SIRT1: variants seen among roughly 807,000 people sequenced by gnomAD.
The protein encoded by SIRT1 is NAD-dependent protein deacetylase sirtuin-1.
SIRT1 carries 24 observed loss-of-function variants against 67.9 expected under a neutral mutation model. The ratio of observed to expected loss-of-function variants is 0.35; its 90% CI spans 0.26 to 0.50. The LOEUF (loss-of-function observed/expected upper bound fraction) is 0.50. Ranked by LOEUF, SIRT1 falls within the 20% of genes least tolerant of loss-of-function variation. The pLI is 0.98. For synonymous variants in SIRT1, 378 were observed against 350.7 expected (o/e 1.08, Z -0.87); for missense variants, 873 against 937.2 (o/e 0.93, Z 0.89).
At chr10:67,908,236 G>A in intron 6 of SIRT1, 111 bp downstream of exon 6, 6 of 835,840 alleles carry the variant, frequency 7.2e-6, no homozygotes, top group South Asian at 2.1e-5. Context: ...GAAAGATTCA[G>A]GAAGAAAATA....
At chr10:67,903,672 C>T (rs1383689012) in intron 4 of SIRT1, among the ~76,000 whole-genome samples, 2 of 152,214 alleles carry the variant, frequency 1.3e-5, no homozygotes, top group East Asian at 3.8e-4. Flanking sequence ...CAGGCATGAG[C>T]CACCACATCC....
At chr10:67,903,650 GT>G (rs1393972166) in intron 4 of SIRT1, among the ~76,000 whole-genome samples, 1 of 152,174 alleles carries the variant, frequency 6.6e-6, no homozygotes, top group Non-Finnish European at 1.5e-5. Context: ...GCCACCCAAA[GT>G]GCTGGGATTA....
At chr10:67,901,458 T>C (rs1842743789) in intron 4 of SIRT1, among the ~76,000 whole-genome samples, 1 of 152,190 alleles carries the variant, frequency 6.6e-6, no homozygotes. Context: ...TCGGGGTATA[T>C]GTTCACAGCT....
chr10:67,902,922 C>G (rs1450005884), intron 4 of SIRT1, among the ~76,000 whole-genome samples: 1 of 152,142 alleles, frequency 6.6e-6, no homozygotes, highest in African/African-American at 2.4e-5. Context: ...TGGTGAAACC[C>G]TGTCTCTACT....
chr10:67,887,472 T>C lies in SIRT1; in HGVS notation c.486T>C (p.Ser162=). 6.2e-7 allele frequency: 1 copy of C among 1,613,962 alleles called. No individual in the cohort carries two copies. The highest frequency in any genetic ancestry group is 8.5e-7 in the Non-Finnish European group (1 of 1,179,896). ...CTAATGGTTTTCATTCCTGTGAAAG[T>C]GATGAGGAGGATAGAGCCTCACATG... is the stretch of plus-strand genomic sequence containing the variant. The part of the protein sequence containing the change: ...IITNGFHSCE[S]DEEDRASHAS... Residue 162 remains serine (S), a synonymous_variant, in exon 2 of 9, where the codon AGT becomes AGC. Coordinates refer to ENST00000212015, the MANE Select transcript of SIRT1 (RefSeq NM_012238.5).
intron 4 of SIRT1, chr10:67,906,207 C>A: frequency 6.8e-7 from 1 of 1,469,676 alleles, no homozygotes; most frequent in Non-Finnish European, 9.0e-7. Flanking sequence ...AACACACACA[C>A]AAAATCCAGC....
chr10:67,894,102 C>T (rs1364135626), intron 4 of SIRT1, among the ~76,000 whole-genome samples: 1 of 152,170 alleles, frequency 6.6e-6, no homozygotes, highest in African/African-American at 2.4e-5. Context: ...CAGTGAGACC[C>T]TAATCACTAC....
chr10:67,891,621 G>A lies in SIRT1; in HGVS notation c.942+67G>A, dbSNP rs1224052496. ...TGAAAAAGTATTTTGTTCACATACA[G>A]CCACCTTAAGGTTATCGTTCATTGT... On this transcript the variant is annotated intron_variant, in intron 4 of 8. Transcript: ENST00000212015. 8.7e-6 allele frequency: 13 copies of A among 1,502,138 alleles called. No homozygotes were observed. In the East Asian group the frequency reaches 2.3e-4, roughly 26 times the overall value. 93.1% of individuals were successfully genotyped at this position (1,502,138 alleles called of 1,614,324 possible).
At chr10:67,891,651 T>C in intron 4 of SIRT1, 97 bp downstream of exon 4, 1 of 1,212,852 alleles carries the variant, frequency 8.2e-7, no homozygotes, top group East Asian at 2.4e-5. Flanking sequence ...CATTGTTTAG[T>C]AAAGTGAATG....
At chr10:67,887,220 G>A (rs917885298) in intron 1 of SIRT1, among the ~76,000 whole-genome samples, 197 bp from the exon 2 acceptor site, 1 of 152,154 alleles carries the variant, frequency 6.6e-6, no homozygotes, top group African/African-American at 2.4e-5. Flanking sequence ...GATTTTGGCT[G>A]AAACTGAGTG....
chr10:67,891,309 C>T (rs1457372063), intron 3 of SIRT1, 93 bp from the exon 4 acceptor site: 5 of 1,143,420 alleles, frequency 4.4e-6, no homozygotes, highest in Non-Finnish European at 6.2e-6. Context: ...AATTTTCTTT[C>T]TCAACTCTTA....
At chr10:67,905,282 G>T (rs569629546) in intron 4 of SIRT1, among the ~76,000 whole-genome samples, 8 of 152,266 alleles carry the variant, frequency 5.3e-5, no homozygotes, top group African/African-American at 1.9e-4. Context: ...AACAGTGGTT[G>T]ATTTAACTGA....
intron 4 of SIRT1, among the ~76,000 whole-genome samples, chr10:67,901,940 A>T (rs1842751063): frequency 6.6e-6 from 1 of 152,204 alleles, no homozygotes; most frequent in Non-Finnish European, 1.5e-5. Flanking sequence ...GGTGGTGAGA[A>T]CATTTAAAAT....
intron 4 of SIRT1, 96 bp downstream of exon 4, chr10:67,891,650 G>A (rs1842575514): frequency 3.2e-6 from 4 of 1,246,578 alleles, no homozygotes; most frequent in African/African-American, 3.0e-5. Flanking sequence ...TCATTGTTTA[G>A]TAAAGTGAAT....
intron 4 of SIRT1, among the ~76,000 whole-genome samples, chr10:67,905,129 G>A (rs2131877508): frequency 6.6e-6 from 1 of 152,124 alleles, no homozygotes; most frequent in South Asian, 2.1e-4. Context: ...TACTATTATA[G>A]GTCCTATTTT....
At chr10:67,897,831 A>G (rs1428211068) in intron 4 of SIRT1, among the ~76,000 whole-genome samples, 2 of 151,990 alleles carry the variant, frequency 1.3e-5, no homozygotes, top group Admixed American at 6.6e-5. Context: ...AATGACTTAA[A>G]TTGATAATAA....
At chr10:67,912,179 C>A (rs1007473889) in intron 7 of SIRT1, among the ~76,000 whole-genome samples, 2 of 152,168 alleles carry the variant, frequency 1.3e-5, no homozygotes, top group African/African-American at 4.8e-5. Flanking sequence ...GTACTATTAT[C>A]ATCCCCATTC....
At chr10:67,914,243 T>C (rs1340810672) in intron 8 of SIRT1, among the ~76,000 whole-genome samples, 2 of 152,012 alleles carry the variant, frequency 1.3e-5, no homozygotes, top group Non-Finnish European at 2.9e-5. Flanking sequence ...GGCTGATTCT[T>C]GTATTTTTAG....
At chr10:67,887,106 A>G (rs1254270244) in intron 1 of SIRT1, among the ~76,000 whole-genome samples, 17 of 149,998 alleles carry the variant, frequency 1.1e-4, no homozygotes. Flanking sequence ...TCTCAACCTC[A>G]GGTGATCCGC....
Sources: allele counts gnomAD v4.1 joint callset (sites outside exome capture counted in the v4.1 genomes callset), GRCh38; gene constraint gnomAD v4.1.1; transcripts MANE v1.5; gene names NCBI Gene and HGNC (gene_info 2026-07-23, HGNC 2026-07-21).